The following AKAP19 variants were observed in gnomAD, a reference collection of about 807,000 sequenced individuals.
AKAP19 encodes the protein small A-kinase anchoring protein.
chr2:190,171,632 T>C, the AKAP19 span, among the ~76,000 whole-genome samples: 1 of 152,162 alleles, frequency 6.6e-6, no homozygotes, highest in South Asian at 2.1e-4. Flanking sequence ...AATTGGTGGA[T>C]ATTTATTTCT....
chr2:190,111,879 TG>T, the AKAP19 span, among the ~76,000 whole-genome samples: 1 of 151,890 alleles, frequency 6.6e-6, no homozygotes, highest in African/African-American at 2.4e-5. Flanking sequence ...TTCAACATCA[TG>T]GTTTTTTTGT....
the AKAP19 span, among the ~76,000 whole-genome samples, chr2:190,090,293 C>A: frequency 6.6e-6 from 1 of 152,268 alleles, no homozygotes; most frequent in Non-Finnish European, 1.5e-5. Context: ...GGCCTGGTGA[C>A]AAACACAGTG....
chr2:190,001,008 C>T, the AKAP19 span, among the ~76,000 whole-genome samples: 1 of 152,052 alleles, frequency 6.6e-6, no homozygotes, highest in East Asian at 1.9e-4. Flanking sequence ...CATTTTTCTT[C>T]AATCCTTATT....
the AKAP19 span, among the ~76,000 whole-genome samples, chr2:190,077,344 G>A: frequency 6.6e-6 from 1 of 151,034 alleles, no homozygotes; most frequent in African/African-American, 2.4e-5. Flanking sequence ...CGAGTAGTTG[G>A]GATTACAGGT....
chr2:190,199,412 C>T, the AKAP19 span, among the ~76,000 whole-genome samples: 2 of 143,738 alleles, frequency 1.4e-5, no homozygotes, highest in African/African-American at 2.9e-5. Flanking sequence ...TCTAAGCTAG[C>T]AAAAATTGAA....
chr2:190,081,653 C>T, the AKAP19 span, among the ~76,000 whole-genome samples: 421 of 152,164 alleles, frequency 2.8e-3, 3 homozygotes, highest in African/African-American at 9.7e-3. Context: ...TTATTAAACC[C>T]TTGGGGGAAA....
the AKAP19 span, among the ~76,000 whole-genome samples, chr2:190,034,326 A>G: frequency 6.6e-6 from 1 of 151,820 alleles, no homozygotes; most frequent in South Asian, 2.1e-4. Context: ...ACGTACTTTT[A>G]AAATCCTGAC....
the AKAP19 span, among the ~76,000 whole-genome samples, chr2:189,924,455 T>C: frequency 1.3e-5 from 2 of 152,214 alleles, no homozygotes; most frequent in South Asian, 2.1e-4. Context: ...TTTTTGCTTT[T>C]AATTTTGATA....
At chr2:190,104,780 AC>A in the AKAP19 span, among the ~76,000 whole-genome samples, 2 of 152,136 alleles carry the variant, frequency 1.3e-5, no homozygotes, top group Non-Finnish European at 1.5e-5. Context: ...ACAAAGCAAG[AC>A]CCTGTCTCAG....
chr2:190,070,119 C>T, the AKAP19 span, among the ~76,000 whole-genome samples: 1 of 151,968 alleles, frequency 6.6e-6, no homozygotes, highest in Non-Finnish European at 1.5e-5. Context: ...ACAGTGGTGC[C>T]CTTTGTTCTT....
At chr2:190,167,215 GCAGA>G in the AKAP19 span, among the ~76,000 whole-genome samples, 1 of 152,168 alleles carries the variant, frequency 6.6e-6, no homozygotes, top group African/African-American at 2.4e-5. Context: ...TCACATTGTG[GCAGA>G]CAAGAGAAAA....
the AKAP19 span, among the ~76,000 whole-genome samples, chr2:190,094,252 GT>G: frequency 6.6e-6 from 1 of 152,096 alleles, no homozygotes; most frequent in African/African-American, 2.4e-5. Context: ...ATTTTTAAAG[GT>G]TTTTTTAAAA....
the AKAP19 span, among the ~76,000 whole-genome samples, chr2:189,968,124 TAAA>T: frequency 1.2e-4 from 18 of 151,936 alleles, no homozygotes; most frequent in Admixed American, 6.6e-5. Context: ...CAAAGGTAGA[TAAA>T]AAAGGAAAGA....
chr2:190,180,711 A>T, the AKAP19 span: 1 of 985,154 alleles, frequency 1.0e-6, no homozygotes, highest in Non-Finnish European at 1.2e-6. The surrounding 1 kb of genome is among the most constrained non-coding windows in gnomAD (Gnocchi z 6.8). Context: ...GGTCGCTCCC[A>T]GAGGGCGCGC....
the AKAP19 span, among the ~76,000 whole-genome samples, chr2:190,174,855 A>G: frequency 5.6e-3 from 853 of 152,350 alleles, 8 homozygotes; most frequent in African/African-American, 0.02. Flanking sequence ...GCTTGGATTC[A>G]TGGGCCCAAG....
chr2:190,139,440 C>T, the AKAP19 span, among the ~76,000 whole-genome samples: 2 of 152,166 alleles, frequency 1.3e-5, no homozygotes, highest in African/African-American at 4.8e-5. Context: ...TTAGTCCATT[C>T]TCACACTGCT....
At chr2:190,039,247 T>G in the AKAP19 span, among the ~76,000 whole-genome samples, 2 of 151,884 alleles carry the variant, frequency 1.3e-5, no homozygotes, top group African/African-American at 4.8e-5. Flanking sequence ...CACAGCTCAT[T>G]TTTGTATTTT....
chr2:190,170,146 G>A, the AKAP19 span, among the ~76,000 whole-genome samples: 1 of 152,234 alleles, frequency 6.6e-6, no homozygotes, highest in African/African-American at 2.4e-5. Context: ...CAAGGAGCCA[G>A]GGCAAGCAGG....
the AKAP19 span, among the ~76,000 whole-genome samples, chr2:189,975,446 A>G: frequency 6.6e-6 from 1 of 152,052 alleles, no homozygotes; most frequent in Non-Finnish European, 1.5e-5. Flanking sequence ...GGTGAATCTG[A>G]CAATTATGTG....
Sources: allele counts gnomAD v4.1 joint callset (sites outside exome capture counted in the v4.1 genomes callset), GRCh38; gene constraint gnomAD v4.1.1; non-coding constraint Gnocchi (gnomAD v3.1); transcripts MANE v1.5; gene names NCBI Gene and HGNC (gene_info 2026-07-23, HGNC 2026-07-21).